The following EVI5 variants were observed in gnomAD, a reference collection of about 807,000 sequenced individuals.
EVI5 encodes the protein ecotropic viral integration site 5 protein homolog.
A neutral mutation model predicts 112.0 loss-of-function variants in EVI5; 73 were observed. The observed-to-expected ratio is 0.65, with a 90% CI of 0.54 to 0.79. The LOEUF is 0.79. EVI5 is among the 30% of genes least tolerant of loss of function. EVI5 has a pLI of 0.00. For missense variants in EVI5, 900 were observed against 968.8 expected (o/e 0.93, Z 0.94); for synonymous variants, 305 against 319.9 (o/e 0.95, Z 0.50).
chr1:92,614,280 T>C (rs1484648834), intron 16 of EVI5, among the ~76,000 whole-genome samples: 3 of 152,062 alleles, frequency 2.0e-5, no homozygotes, highest in Non-Finnish European at 4.4e-5. Flanking sequence ...TATCCAGCTT[T>C]CAACAAAAAA....
chr1:92,656,781 G>A (rs939089858), intron 13 of EVI5, among the ~76,000 whole-genome samples: 1 of 152,082 alleles, frequency 6.6e-6, no homozygotes, highest in Non-Finnish European at 1.5e-5. Context: ...AGAAAACCTA[G>A]AAGAAAGGGA....
intron 9 of EVI5, among the ~76,000 whole-genome samples, chr1:92,681,142 G>A (rs955014530): frequency 1.3e-5 from 2 of 152,142 alleles, no homozygotes; most frequent in African/African-American, 2.4e-5. Context: ...TGAAAGTAAT[G>A]CAAAAACTGC....
At chr1:92,603,236 T>C (rs1649572424) in intron 18 of EVI5, among the ~76,000 whole-genome samples, 1 of 152,176 alleles carries the variant, frequency 6.6e-6, no homozygotes, top group Non-Finnish European at 1.5e-5. Flanking sequence ...AATGAAATCC[T>C]CATGCATTGC....
Position 92,695,052 on chromosome 1 carries a change from C to T in EVI5, c.909+258G>A, listed in dbSNP as rs112843363. On this transcript the variant is annotated intron_variant, in intron 7 of 19. Coordinates refer to ENST00000684568, the MANE Select transcript of EVI5 (RefSeq NM_001350197.2). The stretch of plus-strand genomic sequence containing the variant: ...CTATGTTTGAATCCTGGTTACAACA[C>T]CACTTATGTATTGTGTGTCCATAGA... Among the ~76,000 whole-genome samples, 124 of 152,296 alleles carry T rather than the reference C, an allele frequency of 8.1e-4. 4 individuals are homozygous for T. In the South Asian group the frequency reaches 0.012, roughly 15 times the overall value.
chr1:92,745,459 A>T (rs1194768136), intron 1 of EVI5, among the ~76,000 whole-genome samples: 3 of 152,150 alleles, frequency 2.0e-5, no homozygotes, highest in Admixed American at 2.0e-4. Context: ...TATGTGCCAT[A>T]TTATGCTTAC....
intron 19 of EVI5, among the ~76,000 whole-genome samples, chr1:92,529,529 G>A (rs1662486196): frequency 6.6e-6 from 1 of 152,130 alleles, no homozygotes; most frequent in Non-Finnish European, 1.5e-5. Context: ...ACAAGGTAGG[G>A]TATAAATATA....
chr1:92,540,883 G>A (rs1664682645), intron 19 of EVI5, among the ~76,000 whole-genome samples: 1 of 152,068 alleles, frequency 6.6e-6, no homozygotes. Flanking sequence ...AGTACAGCCT[G>A]GCCAACATGG....
chr1:92,573,107 G>A (rs1228912645), intron 18 of EVI5, among the ~76,000 whole-genome samples: 1 of 152,040 alleles, frequency 6.6e-6, no homozygotes, highest in African/African-American at 2.4e-5. Flanking sequence ...AATGAATATA[G>A]TAATATGAAC....
intron 1 of EVI5, among the ~76,000 whole-genome samples, chr1:92,757,661 G>A (rs1570797909): frequency 6.6e-6 from 1 of 151,582 alleles, no homozygotes; most frequent in African/African-American, 2.4e-5. Flanking sequence ...CAGCACTTTG[G>A]GAGGCCAAAG....
rs114360605 is a variant in EVI5 at position 92,520,535 on chromosome 1, T to C, written c.2167-6565A>G. Among the ~76,000 whole-genome samples the C allele has an allele frequency of 3.3e-3, 509 of 152,232 alleles. 3 individuals are homozygous for C. The highest frequency in any genetic ancestry group is 3.5e-3 in the Admixed American group (53 of 15,296). On this transcript the variant is annotated intron_variant, in intron 19 of 19. Transcript: ENST00000684568. ...AAAAAGAGATAAATCTTTCCCCGTG[T>C]AAAGATGCCAAAACTGAACACTCAA...
At chr1:92,725,451 T>A (rs1425047671) in intron 2 of EVI5, among the ~76,000 whole-genome samples, 2 of 151,880 alleles carry the variant, frequency 1.3e-5, no homozygotes, top group East Asian at 3.9e-4. Context: ...TATAGGAAAA[T>A]AGAAAATAGT....
At chr1:92,590,135 C>T (rs944587451) in intron 18 of EVI5, among the ~76,000 whole-genome samples, 2 of 152,144 alleles carry the variant, frequency 1.3e-5, no homozygotes, top group African/African-American at 4.8e-5. Flanking sequence ...CATCGAAGAC[C>T]AAACGTAGAT....
At position 92,694,322 on chromosome 1, in the gene EVI5, G is replaced by C; in HGVS notation, c.976C>G (p.Leu326Val). ...ACCTGTAACATCCCTTCCATGTCAA[G>C]TTGCATCAGTTCTGCCTGATTCATC... Reference protein sequence around the residue: ...LQMNQAELMQLDMEGMLQHFQ... With the variant: ...LQMNQAELMQVDMEGMLQHFQ... The change falls in exon 8 of 20, where the codon CTT (leucine) becomes GTT (valine). Residue 326 changes from leucine (L) to valine (V), a missense_variant. Physicochemically the swap from Leu to Val is conservative, Grantham distance 32. Transcript: ENST00000684568. The C allele has an allele frequency of 6.3e-7, 1 of 1,589,804 alleles. No individual in the cohort carries two copies. Among genetic ancestry groups the C allele is most frequent in the Non-Finnish European group, 8.6e-7 (1 of 1,161,322 alleles).
intron 19 of EVI5, among the ~76,000 whole-genome samples, chr1:92,562,540 T>A (rs1360892266): frequency 6.6e-6 from 1 of 151,854 alleles, no homozygotes; most frequent in African/African-American, 2.4e-5. Context: ...AAAAAAAAAA[T>A]TATAATAAAT....
At chr1:92,546,896 A>T (rs1174973473) in intron 19 of EVI5, among the ~76,000 whole-genome samples, 20 of 152,080 alleles carry the variant, frequency 1.3e-4, no homozygotes, top group Non-Finnish European at 2.6e-4. Flanking sequence ...CACAATAATA[A>T]TGAGAGACTT....
rs7543721 is a variant in EVI5, at chr1:92,714,121, T to C, written c.150-9377A>G. ...CTTTAAAGCTATCAATTATTAACTT[T>C]CATCAAATAGATCTTTGACATTACA... On this transcript the variant is annotated intron_variant, in intron 2 of 19. Coordinates refer to ENST00000684568, the MANE Select transcript of EVI5 (RefSeq NM_001350197.2). 4,180 of 981,854 alleles carry C rather than the reference T, an allele frequency of 4.3e-3. 149 individuals are homozygous for C. The African/African-American group carries it at 0.066, about 15-fold the overall frequency. 60.8% of individuals were successfully genotyped at this position (981,854 alleles called of 1,614,324 possible).
chr1:92,623,710 ATG>A (rs1655053993), intron 16 of EVI5, among the ~76,000 whole-genome samples: 1 of 152,214 alleles, frequency 6.6e-6, no homozygotes, highest in African/African-American at 2.4e-5. Flanking sequence ...ACATTTGGCA[ATG>A]TGTGCAGAAA....
At chr1:92,682,559 C>T (rs1257884088) in intron 9 of EVI5, among the ~76,000 whole-genome samples, 2 of 151,964 alleles carry the variant, frequency 1.3e-5, no homozygotes, top group Non-Finnish European at 2.9e-5. Context: ...GTCAGGAGTT[C>T]GAGACCAGCC....
intron 9 of EVI5, among the ~76,000 whole-genome samples, chr1:92,683,629 C>A (rs1667969953): frequency 6.6e-6 from 1 of 152,180 alleles, no homozygotes. Context: ...GGAGCATGCT[C>A]TAACCCATCA....
Sources: allele counts gnomAD v4.1 joint callset (sites outside exome capture counted in the v4.1 genomes callset), GRCh38; gene constraint gnomAD v4.1.1; transcripts MANE v1.5; gene names NCBI Gene and HGNC (gene_info 2026-07-23, HGNC 2026-07-21).